Variants in PTPRG observed in about 807,000 individuals in gnomAD.
PTPRG encodes receptor-type tyrosine-protein phosphatase gamma.
Under a neutral mutation model 165.3 loss-of-function variants are expected in PTPRG, and 102 were observed. The ratio of observed to expected loss-of-function variants is 0.62; its 90% CI spans 0.53 to 0.73. The LOEUF is 0.73. PTPRG is among the 30% of genes least tolerant of loss of function. The pLI, the probability that PTPRG is intolerant of heterozygous loss-of-function variation, is 0.00. For synonymous variants in PTPRG, 675 were observed against 669.5 expected, an observed-to-expected ratio of 1.01 and a Z score of -0.13; for missense variants, 1,866 against 1,861.4, an observed-to-expected ratio of 1.00 and a Z score of -0.05.
At chr3:61,908,871 G>C (rs1357960507) in intron 2 of PTPRG, among the ~76,000 whole-genome samples, 1 of 152,098 alleles carries the variant, frequency 6.6e-6, no homozygotes, top group African/African-American at 2.4e-5. Flanking sequence ...AATTTGTTGG[G>C]CCTTACATGG....
chr3:61,577,339 C>G (rs1404796525), intron 1 of PTPRG, among the ~76,000 whole-genome samples: 1 of 152,100 alleles, frequency 6.6e-6, no homozygotes, highest in Non-Finnish European at 1.5e-5. Flanking sequence ...CTCAAGATTC[C>G]TTTTGATGTT....
intron 4 of PTPRG, among the ~76,000 whole-genome samples, chr3:62,027,707 A>C (rs1236902533): frequency 2.0e-5 from 3 of 152,168 alleles, no homozygotes; most frequent in Admixed American, 6.5e-5. Context: ...AATGAAATAA[A>C]CTTCCTTTGT....
intron 20 of PTPRG, among the ~76,000 whole-genome samples, chr3:62,270,888 T>C (rs1702038862): frequency 6.6e-6 from 1 of 152,164 alleles, no homozygotes; most frequent in Non-Finnish European, 1.5e-5. Flanking sequence ...TGCCTCTGAC[T>C]CTAAAGACAG....
chr3:61,942,099 C>T (rs1331639906), intron 2 of PTPRG, among the ~76,000 whole-genome samples: 2 of 148,504 alleles, frequency 1.3e-5, no homozygotes, highest in Non-Finnish European at 3.0e-5. Flanking sequence ...GTGGAGGTTG[C>T]GTGAGCGGAG....
rs1699774475 is a variant in PTPRG at position 61,562,230 on chromosome 3, G to T, written c.-58G>T. The T allele has an allele frequency of 6.7e-7, 1 of 1,502,078 alleles. No individual in the cohort carries two copies. The highest frequency in any genetic ancestry group is 9.3e-7 in the Non-Finnish European group (1 of 1,080,186). 93.0% of individuals were successfully genotyped at this position (1,502,078 alleles called of 1,614,324 possible). A position where few individuals can be genotyped will look rare whatever the true frequency, so the allele number is the denominator to read the frequency against. On this transcript the variant is annotated 5_prime_UTR_variant, in exon 1 of 30. Coordinates refer to ENST00000474889, the MANE Select transcript of PTPRG (RefSeq NM_002841.4). Reference sequence around the variant, plus strand: ...TTAGCGGAGGCTCGCACGGAGGCAAGAACTTATTCAACAAGTTTACCTCCC... The same window carrying T: ...TTAGCGGAGGCTCGCACGGAGGCAATAACTTATTCAACAAGTTTACCTCCC...
In PTPRG at chr3:62,237,306, G is replaced by T. The variant is rs1000169626; in HGVS notation, c.2375+5995G>T. On this transcript the variant is annotated intron_variant, in intron 14 of 29. Coordinates refer to ENST00000474889, the MANE Select transcript of PTPRG (RefSeq NM_002841.4). The surrounding 1 kb of genome is among the most constrained non-coding windows in gnomAD (Gnocchi z 4.5). ...AGTCTAGAGGTTTTTTTGTTTGTTTGTTTTGGTTATTTTGCTACATTTTGT... is the reference window on the plus strand; with the variant it reads ...AGTCTAGAGGTTTTTTTGTTTGTTTTTTTTGGTTATTTTGCTACATTTTGT... 5.3e-5 allele frequency among the ~76,000 whole-genome samples: 8 copies of T among 152,026 alleles called. No homozygotes were observed. The highest frequency in any genetic ancestry group is 1.2e-4 in the Non-Finnish European group (8 of 67,984).
Position 62,156,959 on chromosome 3 carries a change from A to T in PTPRG, c.683-108A>T, listed in dbSNP as rs1402013716. The T allele has an allele frequency of 1.4e-5, 14 of 1,007,210 alleles. No individual in the cohort carries two copies. In the East Asian group the frequency reaches 2.2e-4, roughly 16 times the overall value. 62.4% of individuals were successfully genotyped at this position (1,007,210 alleles called of 1,614,324 possible). ...AGTGCTTCTCAGGATATAAACAAAC[A>T]TAAGGCTTGCGATGTGGCACCAGCA... On this transcript the variant is annotated intron_variant, in intron 6 of 29. Transcript: ENST00000474889.
intron 26 of PTPRG, 57 bp from the exon 27 acceptor site, chr3:62,281,506 T>C (rs908761800): frequency 1.3e-5 from 18 of 1,398,216 alleles, no homozygotes; most frequent in East Asian, 2.9e-5. Context: ...ATGCAAGAAA[T>C]AGAAAACAAA....
At chr3:61,844,783 A>C (rs930946098) in intron 2 of PTPRG, among the ~76,000 whole-genome samples, 3 of 151,986 alleles carry the variant, frequency 2.0e-5, no homozygotes, top group African/African-American at 7.2e-5. Flanking sequence ...GATTACAGGC[A>C]TGAGCCACCA....
At chr3:61,790,956 A>T (rs758102225) in intron 2 of PTPRG, among the ~76,000 whole-genome samples, 8 of 152,202 alleles carry the variant, frequency 5.3e-5, no homozygotes, top group Non-Finnish European at 1.2e-4. Context: ...GTTAGCAAGG[A>T]TATTTGTAAT....
At position 62,168,164 on chromosome 3, in the gene PTPRG, G is replaced by A; in HGVS notation, c.1033+1G>A. The A allele has an allele frequency of 6.2e-7, 1 of 1,607,124 alleles. No individual in the cohort carries two copies. Among genetic ancestry groups the A allele is most frequent in the Non-Finnish European group, 8.5e-7 (1 of 1,176,618 alleles). On this transcript the variant is annotated splice_donor_variant, in intron 8 of 29. Coordinates refer to ENST00000474889, the MANE Select transcript of PTPRG (RefSeq NM_002841.4). LOFTEE classifies it high-confidence loss of function. ...CCACTGGGGACAGAAGCCTCTAAAG[G>A]TATATTTGGCTTAAGTGCCTTGCCC... is the stretch of plus-strand genomic sequence containing the variant.
intron 28 of PTPRG, among the ~76,000 whole-genome samples, chr3:62,283,318 T>C: frequency 6.6e-6 from 1 of 152,128 alleles, no homozygotes; most frequent in Admixed American, 6.6e-5. Context: ...AATGATAATA[T>C]TTAAAGTTCA....
At chr3:61,847,110 T>C (rs1173489281) in intron 2 of PTPRG, among the ~76,000 whole-genome samples, 5 of 152,158 alleles carry the variant, frequency 3.3e-5, no homozygotes, top group Admixed American at 6.5e-5. Context: ...CTTCAGAAAG[T>C]GACCTTCTTT....
In PTPRG at chr3:62,203,110, T is replaced by C; in HGVS notation, c.1378-63T>C. 1 of 1,522,094 alleles carries C rather than the reference T, an allele frequency of 6.6e-7. No individual in the cohort carries two copies. Among genetic ancestry groups the C allele is most frequent in the African/African-American group, 1.4e-5 (1 of 71,984 alleles). 94.3% of individuals were successfully genotyped at this position (1,522,094 alleles called of 1,614,324 possible). ...GGGCCTCATTCCCAATCTCAATTACTGATGCTTCTCTGCTTTTTCTTCTTC... is the reference window on the plus strand; with the variant it reads ...GGGCCTCATTCCCAATCTCAATTACCGATGCTTCTCTGCTTTTTCTTCTTC... On this transcript the variant is annotated intron_variant, in intron 11 of 29. Coordinates refer to ENST00000474889, the MANE Select transcript of PTPRG (RefSeq NM_002841.4). The surrounding 1 kb of genome is among the most constrained non-coding windows in gnomAD (Gnocchi z 6.4).
At chr3:62,033,466 TGA>T (rs1478745792) in intron 4 of PTPRG, among the ~76,000 whole-genome samples, 2 of 149,396 alleles carry the variant, frequency 1.3e-5, no homozygotes, top group Non-Finnish European at 3.0e-5. Flanking sequence ...CGGGCCCAAG[TGA>T]TTCTCCCACC....
chr3:61,563,125 C>T (rs1392917579), intron 1 of PTPRG, among the ~76,000 whole-genome samples: 1 of 149,918 alleles, frequency 6.7e-6, no homozygotes, highest in Non-Finnish European at 1.5e-5. Context: ...TGGGTCTGGA[C>T]GCGGGGAGGG....
At chr3:62,186,192 A>G (rs953615018) in intron 8 of PTPRG, among the ~76,000 whole-genome samples, 2 of 152,152 alleles carry the variant, frequency 1.3e-5, no homozygotes, top group Non-Finnish European at 2.9e-5. Context: ...TTATTAGCAG[A>G]AGGCATGAGT....
chr3:61,687,582 C>CA (rs1278963759), intron 1 of PTPRG, among the ~76,000 whole-genome samples: 1 of 151,418 alleles, frequency 6.6e-6, no homozygotes, highest in East Asian at 1.9e-4. Context: ...GAAAAGAAAA[C>CA]AAAAAAAGGA....
chr3:62,015,440 G>A (rs553798348), intron 4 of PTPRG, among the ~76,000 whole-genome samples: 1 of 152,132 alleles, frequency 6.6e-6, no homozygotes, highest in Non-Finnish European at 1.5e-5. Flanking sequence ...TTGTTAGAAT[G>A]TTTTCAGCAG....
Sources: allele counts gnomAD v4.1 joint callset (sites outside exome capture counted in the v4.1 genomes callset), GRCh38; gene constraint gnomAD v4.1.1; non-coding constraint Gnocchi (gnomAD v3.1); transcripts MANE v1.5; gene names NCBI Gene and HGNC (gene_info 2026-07-23, HGNC 2026-07-21).